Variants in FYN observed in about 807,000 individuals in gnomAD.
FYN encodes FYN proto-oncogene, Src family tyrosine kinase, also known as tyrosine-protein kinase Fyn.
In FYN, 10 loss-of-function variants were observed where a neutral mutation model predicts 70.2. The observed-to-expected ratio is 0.14, with a 90% CI of 0.09 to 0.24. The LOEUF (loss-of-function observed/expected upper bound fraction) is 0.24. FYN is among the 10% of genes least tolerant of loss of function. FYN has a pLI of 1.00. For synonymous variants in FYN, 236 were observed against 248.6 expected, an observed-to-expected ratio of 0.95 and a Z score of 0.48; for missense variants, 319 against 673.1, an observed-to-expected ratio of 0.47 and a Z score of 5.82.
intron 2 of FYN, among the ~76,000 whole-genome samples, chr6:111,821,735 T>G (rs1278365596): frequency 6.6e-6 from 1 of 151,848 alleles, no homozygotes; most frequent in East Asian, 1.9e-4. Flanking sequence ...AATCTACTCA[T>G]CTGAAAAAGG....
chr6:111,790,688 T>A (rs1771586936), intron 2 of FYN, among the ~76,000 whole-genome samples: 1 of 152,242 alleles, frequency 6.6e-6, no homozygotes, highest in Non-Finnish European at 1.5e-5. Flanking sequence ...GTCAGGGAGA[T>A]CTTGATCTGA....
At chr6:111,760,833 C>A (rs1802975394) in intron 3 of FYN, among the ~76,000 whole-genome samples, 1 of 152,146 alleles carries the variant, frequency 6.6e-6, no homozygotes, top group African/African-American at 2.4e-5. Flanking sequence ...TCACTTTGAC[C>A]ATTTCTCCCC....
chr6:111,667,717 G>GAGGTA, intron 13 of FYN, among the ~76,000 whole-genome samples: 1 of 152,300 alleles, frequency 6.6e-6, no homozygotes, highest in African/African-American at 2.4e-5. Context: ...AACATTCATT[G>GAGGTA]TGCTTTCAGC....
intron 1 of FYN, among the ~76,000 whole-genome samples, chr6:111,849,381 C>A (rs1266544039): frequency 6.6e-6 from 1 of 152,242 alleles, no homozygotes; most frequent in Non-Finnish European, 1.5e-5. Flanking sequence ...TCTCTTGATA[C>A]AGCCATCCCT....
chr6:111,687,173 G>A (rs1799045395), intron 12 of FYN, among the ~76,000 whole-genome samples: 1 of 152,050 alleles, frequency 6.6e-6, no homozygotes, highest in Admixed American at 6.6e-5. Context: ...TAATTTATGC[G>A]GTAACAATTT....
chr6:111,703,095 G>C (rs1799916732), intron 7 of FYN, 61 bp from the exon 8 acceptor site: 16 of 1,535,698 alleles, frequency 1.0e-5, no homozygotes, highest in Middle Eastern at 1.8e-4. Flanking sequence ...TGCTTTTTAG[G>C]CCTCATTTTC....
rs138893242 is a variant in FYN, at chr6:111,813,208, G to A, written c.-81-32573C>T. On this transcript the variant is annotated intron_variant, in intron 2 of 13. Coordinates refer to ENST00000354650, the MANE Select transcript of FYN (RefSeq NM_002037.5). The stretch of plus-strand genomic sequence containing the variant: ...GATATTTTCCCTCTGCTAGATTTGC[G>A]ATTATCTGTAGTTTGGTGATTTTTG... Among the ~76,000 whole-genome samples the A allele has an allele frequency of 1.0e-3, 154 of 152,134 alleles. 1 individual carries two copies. Among genetic ancestry groups the A allele is most frequent in the Middle Eastern group, 3.4e-3 (1 of 294 alleles).
chr6:111,750,473 G>C (rs770421533), intron 3 of FYN, among the ~76,000 whole-genome samples: 1 of 152,128 alleles, frequency 6.6e-6, no homozygotes, highest in Admixed American at 6.5e-5. Flanking sequence ...GCAGAACCAC[G>C]AGCCAATTAT....
chr6:111,794,858 G>T (rs1406101797), intron 2 of FYN, among the ~76,000 whole-genome samples: 1 of 152,190 alleles, frequency 6.6e-6, no homozygotes, highest in Non-Finnish European at 1.5e-5. Flanking sequence ...CTAAGGTGAT[G>T]TCTGTGTTTG....
intron 3 of FYN, among the ~76,000 whole-genome samples, chr6:111,764,711 T>TCG (rs1471871636): frequency 6.6e-6 from 1 of 152,036 alleles, no homozygotes; most frequent in Non-Finnish European, 1.5e-5. Flanking sequence ...CTGTCTTAAC[T>TCG]CGTAGAGCTA....
chr6:111,729,849 CTT>C (rs1363064347), intron 3 of FYN, among the ~76,000 whole-genome samples: 1 of 152,160 alleles, frequency 6.6e-6, no homozygotes, highest in Non-Finnish European at 1.5e-5. Context: ...GGCAACTGTT[CTT>C]TCTTTGCTCT....
At chr6:111,708,544 G>T (rs2128451448) in intron 5 of FYN, among the ~76,000 whole-genome samples, 1 of 152,216 alleles carries the variant, frequency 6.6e-6, no homozygotes, top group South Asian at 2.1e-4. Flanking sequence ...AGGGATGAAG[G>T]CATGCTCTAA....
Position 111,849,406 on chromosome 6 carries a change from C to A in FYN, c.-122-2777G>T, listed in dbSNP as rs558823595. The stretch of plus-strand genomic sequence containing the variant: ...CAGCCATCCCTCCAGCTCCCCGTCA[C>A]CCCCCTGCACTGTTTCCGAATGCCC... On this transcript the variant is annotated intron_variant, in intron 1 of 13. Coordinates refer to ENST00000354650, the MANE Select transcript of FYN (RefSeq NM_002037.5). 7.2e-5 allele frequency among the ~76,000 whole-genome samples: 11 copies of A among 152,314 alleles called. No individual in the cohort carries two copies. In the East Asian group the frequency reaches 2.1e-3, roughly 29 times the overall value.
chr6:111,662,454 C>T (rs1297727048), intron 13 of FYN, among the ~76,000 whole-genome samples: 1 of 152,130 alleles, frequency 6.6e-6, no homozygotes, highest in Non-Finnish European at 1.5e-5. Context: ...TAAAAACGTA[C>T]AAAACAAACA....
At chr6:111,843,360 G>A (rs1410170017) in intron 2 of FYN, among the ~76,000 whole-genome samples, 1 of 152,074 alleles carries the variant, frequency 6.6e-6, no homozygotes, top group African/African-American at 2.4e-5. Flanking sequence ...GATACAACTT[G>A]ATTACATATT....
At chr6:111,868,319 C>A (rs9487741) in intron 1 of FYN, among the ~76,000 whole-genome samples, 21 of 152,056 alleles carry the variant, frequency 1.4e-4, no homozygotes, top group African/African-American at 4.4e-4. Flanking sequence ...AAATAGAATA[C>A]GCAATGAATG....
intron 2 of FYN, among the ~76,000 whole-genome samples, chr6:111,799,571 T>C (rs1771918761): frequency 6.6e-6 from 1 of 152,266 alleles, no homozygotes; most frequent in Non-Finnish European, 1.5e-5. Context: ...TACTAATTTC[T>C]GACATCTTCC....
At chr6:111,674,733 T>C in intron 12 of FYN, 103 bp from the exon 13 acceptor site, 1 of 1,279,860 alleles carries the variant, frequency 7.8e-7, no homozygotes, top group South Asian at 1.5e-5. Context: ...TGAGAGCAGG[T>C]TTAGAGGGGA....
At chr6:111,841,511 C>T (rs1773356273) in intron 2 of FYN, among the ~76,000 whole-genome samples, 1 of 152,198 alleles carries the variant, frequency 6.6e-6, no homozygotes, top group Admixed American at 6.5e-5. Context: ...AGTCCTTGGG[C>T]AATTCATTCC....
Sources: allele counts gnomAD v4.1 joint callset (sites outside exome capture counted in the v4.1 genomes callset), GRCh38; gene constraint gnomAD v4.1.1; transcripts MANE v1.5; gene names NCBI Gene and HGNC (gene_info 2026-07-23, HGNC 2026-07-21).